Variants in SEMA3E observed in about 807,000 individuals in gnomAD.
SEMA3E encodes the protein semaphorin-3E.
A neutral mutation model predicts 93.6 loss-of-function variants in SEMA3E; 49 were observed. That is an observed-to-expected ratio of 0.52 (90% CI 0.42 to 0.66). The LOEUF (loss-of-function observed/expected upper bound fraction) is 0.66. Among genes scored for constraint, SEMA3E ranks in the 30% least tolerant of loss-of-function variants. The pLI, the probability that SEMA3E is intolerant of heterozygous loss-of-function variation, is 0.00. For synonymous variants in SEMA3E, 363 were observed against 330.7 expected (o/e 1.10, Z -1.06); for missense variants, 906 against 964.8 (o/e 0.94, Z 0.81).
chr7:83,405,657 G>C, intron 8 of SEMA3E, 138 bp from the exon 9 acceptor site: 1 of 802,138 alleles, frequency 1.2e-6, no homozygotes, highest in Non-Finnish European at 2.1e-6. Flanking sequence ...ATACAACCAT[G>C]ACCAAGTCAT....
intron 1 of SEMA3E, among the ~76,000 whole-genome samples, chr7:83,543,961 T>C (rs945396893): frequency 9.9e-5 from 15 of 152,090 alleles, no homozygotes; most frequent in African/African-American, 3.6e-4. Context: ...ATTCATTATA[T>C]TTTTGATGTA....
intron 1 of SEMA3E, among the ~76,000 whole-genome samples, chr7:83,546,659 A>G (rs1383965866): frequency 6.6e-6 from 1 of 152,122 alleles, no homozygotes; most frequent in East Asian, 1.9e-4. Context: ...ACTTCTTATT[A>G]GTGTCTTAAA....
chr7:83,385,416 T>C lies in SEMA3E; in HGVS notation c.1753A>G (p.Thr585Ala), dbSNP rs1166890439. ...ATGCCATAAGCCAGATGTTCTTCAG[T>C]CTTATCCAAAGCATCCCCTACAACA... is the stretch of plus-strand genomic sequence containing the variant. ...QQFVGDALDKTEEHLAYGIEN... is the reference protein window; with the variant it reads ...QQFVGDALDKAEEHLAYGIEN... The change falls in exon 16 of 17, where the codon ACT (threonine) becomes GCT (alanine). Residue 585 changes from threonine (T) to alanine (A), a missense_variant. Transcript: ENST00000643230. 6.2e-7 allele frequency: 1 copy of C among 1,613,450 alleles called. No individual in the cohort carries two copies. The highest frequency in any genetic ancestry group is 2.2e-5 in the East Asian group (1 of 44,838).
At chr7:83,496,508 A>T (rs945864426) in intron 1 of SEMA3E, among the ~76,000 whole-genome samples, 22 of 151,896 alleles carry the variant, frequency 1.4e-4, no homozygotes, top group Admixed American at 1.1e-3. Flanking sequence ...ATAATTACAA[A>T]TTTTTTTTGC....
intron 1 of SEMA3E, among the ~76,000 whole-genome samples, chr7:83,533,987 A>G (rs1310797385): frequency 2.0e-5 from 3 of 152,308 alleles, no homozygotes; most frequent in Admixed American, 6.5e-5. Flanking sequence ...TCAAAATTCA[A>G]GTATTGTTCT....
At chr7:83,615,994 GA>G (rs75361688) in intron 1 of SEMA3E, among the ~76,000 whole-genome samples, 35,644 of 130,796 alleles carry the variant, frequency 0.27, 4,427 homozygotes, top group East Asian at 0.41. Flanking sequence ...TTAAGAAAAG[GA>G]AAAAAAAAAA....
chr7:83,530,256 G>A (rs1244620325), intron 1 of SEMA3E, among the ~76,000 whole-genome samples: 1 of 152,060 alleles, frequency 6.6e-6, no homozygotes, highest in Non-Finnish European at 1.5e-5. Context: ...CCATTTTATA[G>A]ATTAGAAAAC....
At chr7:83,625,771 T>C (rs42007) in intron 1 of SEMA3E, among the ~76,000 whole-genome samples, 93,667 of 151,494 alleles carry the variant, frequency 0.62, 29,480 homozygotes, top group African/African-American at 0.73. Flanking sequence ...AGAGGTCATC[T>C]TTGTCTTGTG....
chr7:83,611,501 C>G (rs1793262567), intron 1 of SEMA3E, among the ~76,000 whole-genome samples: 1 of 150,246 alleles, frequency 6.7e-6, no homozygotes, highest in Non-Finnish European at 1.5e-5. Context: ...AGCTACCACT[C>G]ATTTCTCTTC....
At chr7:83,398,192 T>C (rs1367465071) in intron 11 of SEMA3E, among the ~76,000 whole-genome samples, 1 of 152,178 alleles carries the variant, frequency 6.6e-6, no homozygotes, top group African/African-American at 2.4e-5. Flanking sequence ...AATATATGCT[T>C]GATACTTCTG....
chr7:83,437,197 C>A (rs1789022048), intron 4 of SEMA3E, among the ~76,000 whole-genome samples: 1 of 152,016 alleles, frequency 6.6e-6, no homozygotes, highest in South Asian at 2.1e-4. Context: ...ATAGATTCTT[C>A]CATAAATGTT....
chr7:83,555,556 T>C (rs946425099), intron 1 of SEMA3E, among the ~76,000 whole-genome samples: 1 of 152,164 alleles, frequency 6.6e-6, no homozygotes, highest in Non-Finnish European at 1.5e-5. Flanking sequence ...GTATTTTCCA[T>C]GTCTACAATG....
chr7:83,447,884 AAAT>A (rs1337040388), intron 4 of SEMA3E, among the ~76,000 whole-genome samples: 1 of 152,216 alleles, frequency 6.6e-6, no homozygotes, highest in African/African-American at 2.4e-5. Context: ...TCTAATAGGA[AAAT>A]AATGTTAACA....
rs114846647 is a variant in SEMA3E at position 83,505,593 on chromosome 7, G to T, written c.116-15319C>A. Among the ~76,000 whole-genome samples, 678 of 152,234 alleles carry T rather than the reference G, an allele frequency of 4.5e-3. 8 individuals carry two copies. Among genetic ancestry groups the T allele is most frequent in the African/African-American group, 0.015 (637 of 41,548 alleles). On this transcript the variant is annotated intron_variant, in intron 1 of 16. Coordinates refer to ENST00000643230, the MANE Select transcript of SEMA3E (RefSeq NM_012431.3). ...CTATTGTCATCTCTAGTTGGGAAAA[G>T]AATAAACTGAAATTGTCCAGAGGAT... is the stretch of plus-strand genomic sequence containing the variant.
intron 1 of SEMA3E, among the ~76,000 whole-genome samples, chr7:83,634,312 G>A (rs1299744813): frequency 6.6e-6 from 1 of 152,048 alleles, no homozygotes; most frequent in Non-Finnish European, 1.5e-5. Flanking sequence ...TATCTCATTG[G>A]TAATGGTTTT....
chr7:83,528,317 T>C (rs1237700700), intron 1 of SEMA3E, among the ~76,000 whole-genome samples: 3 of 152,164 alleles, frequency 2.0e-5, no homozygotes, highest in African/African-American at 7.2e-5. Flanking sequence ...TAGCAACCGA[T>C]ATTTTCATCT....
At chr7:83,394,708 G>T (rs747494360) in intron 12 of SEMA3E, among the ~76,000 whole-genome samples, 5 of 152,128 alleles carry the variant, frequency 3.3e-5, no homozygotes, top group Non-Finnish European at 7.4e-5. Flanking sequence ...TGAAACCATT[G>T]TGTCTTTCAA....
chr7:83,480,498 C>CT (rs1039933472), intron 2 of SEMA3E, among the ~76,000 whole-genome samples: 49 of 151,608 alleles, frequency 3.2e-4, no homozygotes, highest in Non-Finnish European at 5.5e-4. Flanking sequence ...TTTTTCTATA[C>CT]TTTTTTTTTC....
At chr7:83,585,869 G>T (rs1792616075) in intron 1 of SEMA3E, among the ~76,000 whole-genome samples, 2 of 152,080 alleles carry the variant, frequency 1.3e-5, no homozygotes. Context: ...TAACCTCTAT[G>T]CATCTTAGTG....
Sources: allele counts gnomAD v4.1 joint callset (sites outside exome capture counted in the v4.1 genomes callset), GRCh38; gene constraint gnomAD v4.1.1; transcripts MANE v1.5; gene names NCBI Gene and HGNC (gene_info 2026-07-23, HGNC 2026-07-21).